Variants in ZBTB21 observed in about 807,000 individuals in gnomAD.
ZBTB21 encodes the protein zinc finger and BTB domain containing 21.
In ZBTB21, 10 loss-of-function variants were observed where a neutral mutation model predicts 39.8. The ratio of observed to expected loss-of-function variants is 0.25; its 90% CI spans 0.16 to 0.43. The LOEUF is 0.43. Ranked by LOEUF, ZBTB21 falls within the 20% of genes least tolerant of loss-of-function variation. The pLI is 1.00. For synonymous variants in ZBTB21, 551 were observed against 498.8 expected (o/e 1.10, Z -1.40); for missense variants, 1,221 against 1,296.3 (o/e 0.94, Z 0.89).
chr21:42,001,162 A>G (rs1219202611), intron 2 of ZBTB21, among the ~76,000 whole-genome samples: 1 of 152,204 alleles, frequency 6.6e-6, no homozygotes, highest in Non-Finnish European at 1.5e-5. Context: ...GCAGAGCAGG[A>G]TTCACATCAG....
intron 2 of ZBTB21, among the ~76,000 whole-genome samples, chr21:41,996,448 G>A (rs1444280460): frequency 2.0e-5 from 3 of 152,166 alleles, no homozygotes; most frequent in African/African-American, 7.2e-5. Flanking sequence ...GGGCCTGTAA[G>A]CCTCTGTTTT....
chr21:42,007,762 G>C (rs982718491), intron 1 of ZBTB21: 1 of 152,244 alleles, frequency 6.6e-6, no homozygotes, highest in Non-Finnish European at 1.5e-5. Flanking sequence ...TGGCAAGCTA[G>C]GTACAGGGCA....
chr21:41,991,998 C>T lies in ZBTB21; in HGVS notation c.2098G>A (p.Val700Ile). Residue 700 changes from valine (V) to isoleucine (I), a missense_variant, in exon 3 of 3, where the codon GTA becomes ATA. Val to Ile is a conservative substitution (Grantham distance 29). Coordinates refer to ENST00000310826, the MANE Select transcript of ZBTB21 (RefSeq NM_001098402.2). This position sits in a 1 kb window ranked among gnomAD's most constrained non-coding sequence, Gnocchi z 4.9. The part of the protein sequence containing the change: ...KMHPGEKPLG[V>I]NKVAKPKEHA... ...TCTTTTGGTTTAGCAACTTTATTTACTCCAAGGGGTTTTTCTCCTGGATGC... is the reference window on the plus strand; with the variant it reads ...TCTTTTGGTTTAGCAACTTTATTTATTCCAAGGGGTTTTTCTCCTGGATGC... The T allele has an allele frequency of 6.2e-7, 1 of 1,614,204 alleles. No homozygotes were observed. Among genetic ancestry groups the T allele is most frequent in the South Asian group, 1.1e-5 (1 of 91,090 alleles).
At chr21:42,004,710 C>T (rs534341227) in intron 1 of ZBTB21, among the ~76,000 whole-genome samples, 35 of 152,100 alleles carry the variant, frequency 2.3e-4, no homozygotes, top group African/African-American at 8.4e-4. Context: ...TTGGGGATTG[C>T]TTCTATAGTC....
At chr21:42,009,783 G>T (rs1759372547) in intron 1 of ZBTB21, among the ~76,000 whole-genome samples, 1 of 151,970 alleles carries the variant, frequency 6.6e-6, no homozygotes, top group East Asian at 1.9e-4. Context: ...CCCCAAGGCC[G>T]CCGGCCAGCT....
intron 2 of ZBTB21, among the ~76,000 whole-genome samples, chr21:41,996,598 C>A (rs1162554698): frequency 6.6e-6 from 1 of 152,168 alleles, no homozygotes; most frequent in Admixed American, 6.5e-5. Context: ...AGACTTTGGT[C>A]TGTGGACTTT....
chr21:41,992,081 C>G lies in ZBTB21; in HGVS notation c.2015G>C (p.Cys672Ser). 1 of 1,614,188 alleles carries G rather than the reference C, an allele frequency of 6.2e-7. No homozygotes were observed. Among genetic ancestry groups the G allele is most frequent in the Non-Finnish European group, 8.5e-7 (1 of 1,180,042 alleles). Residue 672 changes from cysteine to serine, a missense_variant, in exon 3 of 3, where the codon TGT (cysteine) becomes TCT (serine). By Grantham distance (112) the Cys-to-Ser change is moderately radical. Coordinates refer to ENST00000310826, the MANE Select transcript of ZBTB21 (RefSeq NM_001098402.2). The surrounding 1 kb of genome is among the most constrained non-coding windows in gnomAD (Gnocchi z 4.1). ...GCGGTACGCTTTTCCGCAGTAAGTA[C>G]AAATGTAAGCTCCTTTGGCTCGAGA... ...LRSRAKGAYI[C>S]TYCGKAYRFL... is the part of the protein sequence containing the mutation.
At chr21:41,994,289 C>T (rs961174631) in intron 2 of ZBTB21, among the ~76,000 whole-genome samples, 181 bp from the exon 3 acceptor site, 8 of 152,006 alleles carry the variant, frequency 5.3e-5, no homozygotes, top group Non-Finnish European at 8.8e-5. Flanking sequence ...AAATAAGTCT[C>T]GTGGTTTAAG....
chr21:41,995,330 T>C (rs2065731556), intron 2 of ZBTB21, among the ~76,000 whole-genome samples: 1 of 152,146 alleles, frequency 6.6e-6, no homozygotes. Flanking sequence ...CAGGCTGAGG[T>C]AGTCTCAGAT....
Position 41,993,792 on chromosome 21 carries a change from C to G in ZBTB21, c.304G>C (p.Val102Leu), listed in dbSNP as rs1429682700. The G allele has an allele frequency of 6.2e-7, 1 of 1,614,234 alleles. No individual in the cohort carries two copies. The highest frequency in any genetic ancestry group is 8.5e-7 in the Non-Finnish European group (1 of 1,180,046). ...LFVEKSSLAAVQELGYSLGIS... is the reference protein window; with the variant it reads ...LFVEKSSLAALQELGYSLGIS... ...CCAAGACTATAGCCAAGTTCTTGCA[C>G]AGCAGCAAGGCTGCTCTTCTCAACA... The change falls in exon 3 of 3, where the codon GTG becomes CTG. Residue 102 changes from valine (V) to leucine (L), a missense_variant. Coordinates refer to ENST00000310826, the MANE Select transcript of ZBTB21 (RefSeq NM_001098402.2).
chr21:41,991,450 A>G lies in ZBTB21; in HGVS notation c.2646T>C (p.Pro882=). The change falls in exon 3 of 3, where the codon CCT becomes CCC. Residue 882 remains proline, a synonymous_variant. Transcript: ENST00000310826. The surrounding 1 kb of genome is among the most constrained non-coding windows in gnomAD (Gnocchi z 4.9). ...GTGCCTCTTCTTCAGCCTCCTCCAC[A>G]GGCTCCTCTTTGACTTGGATTTTCA... ...KQLKIQVKEE[P]VEEAEEEAPE... is the part of the protein sequence containing the mutation. The G allele has an allele frequency of 6.2e-7, 1 of 1,613,794 alleles. No homozygotes were observed. Among genetic ancestry groups the G allele is most frequent in the East Asian group, 2.2e-5 (1 of 44,880 alleles).
At chr21:41,994,155 T>C (rs1009858821) in intron 2 of ZBTB21, 47 bp from the exon 3 acceptor site, 1 of 1,494,892 alleles carries the variant, frequency 6.7e-7, no homozygotes. Flanking sequence ...AGTGAAAAGT[T>C]CCCCTGGCTC....
chr21:41,991,598 T>A lies in ZBTB21; in HGVS notation c.2498A>T (p.Asn833Ile), dbSNP rs1192137478. The change falls in exon 3 of 3, where the codon AAC (asparagine) becomes ATC (isoleucine). Residue 833 changes from asparagine (N) to isoleucine (I), a missense_variant. Physicochemically the swap from Asn to Ile is moderately radical, Grantham distance 149. Transcript: ENST00000310826. The surrounding 1 kb of genome is among the most constrained non-coding windows in gnomAD (Gnocchi z 4.9). Reference protein sequence around the residue: ...SSRPQSQPEPNKVNHIVTTKD... With the variant: ...SSRPQSQPEPIKVNHIVTTKD... ...TGTGGTGACGATGTGGTTTACTTTG[T>A]TGGGCTCAGGCTGGGATTGGGGCCT... 1.2e-6 allele frequency: 2 copies of A among 1,614,114 alleles called. No homozygotes were observed. Among genetic ancestry groups the A allele is most frequent in the Non-Finnish European group, 1.7e-6 (2 of 1,180,046 alleles).
In ZBTB21 at chr21:41,991,941, T is replaced by C. The variant is rs760786843; in HGVS notation, c.2155A>G (p.Lys719Glu). ...CAGAGGCGGCACTGGTAAACCTCCTTGTTTTCTACTGGACTTGCAAGAGGA... is the reference window on the plus strand; with the variant it reads ...CAGAGGCGGCACTGGTAAACCTCCTCGTTTTCTACTGGACTTGCAAGAGGA... ...HAPLASPVENKEVYQCRLCNA... is the reference protein window; with the variant it reads ...HAPLASPVENEEVYQCRLCNA... Residue 719 changes from lysine to glutamate, a missense_variant, in exon 3 of 3, where the codon AAG becomes GAG. By Grantham distance (56) the Lys-to-Glu change is moderately conservative. Around this residue, in one of 4 missense-constraint regions of ZBTB21, gnomAD observed 523 missense variants for 542.5 expected, o/e 0.96. Transcript: ENST00000310826. This position sits in a 1 kb window ranked among gnomAD's most constrained non-coding sequence, Gnocchi z 4.9. 6.2e-7 allele frequency: 1 copy of C among 1,613,938 alleles called. No homozygotes were observed. The highest frequency in any genetic ancestry group is 8.5e-7 in the Non-Finnish European group (1 of 1,180,016).
chr21:41,992,184 TAATG>T lies in ZBTB21; in HGVS notation c.1908_1911del (p.Ile637SerfsTer2). 1 of 1,614,196 alleles carries T rather than the reference TAATG, an allele frequency of 6.2e-7. No individual in the cohort carries two copies. The highest frequency in any genetic ancestry group is 8.5e-7 in the Non-Finnish European group (1 of 1,180,028). On this transcript the variant is annotated frameshift_variant, in exon 3 of 3. Transcript: ENST00000310826. LOFTEE classifies it high-confidence loss of function. This position sits in a 1 kb window ranked among gnomAD's most constrained non-coding sequence, Gnocchi z 4.1. Reference sequence around the variant, plus strand: ...AAACCAGGCTTGCCGCGCCTTAACTTAATGATCAGGGCCTTCTTAATTTCTCTCT... The same window carrying T: ...AAACCAGGCTTGCCGCGCCTTAACTTATCAGGGCCTTCTTAATTTCTCTCT...
In ZBTB21 at chr21:41,987,163, T is replaced by C. The variant is rs1185091156; in HGVS notation, c.*3732A>G. ...ACTGAGTATAACTGTGTGAAAAATC[T>C]GGACAGCATTAACAAATGAAAGAGC... On this transcript the variant is annotated 3_prime_UTR_variant, in exon 3 of 3. Transcript: ENST00000310826. The C allele has an allele frequency of 6.6e-6, 1 of 152,304 alleles. No homozygotes were observed. The highest frequency in any genetic ancestry group is 1.5e-5 in the Non-Finnish European group (1 of 68,044). 9.4% of individuals were successfully genotyped at this position (152,304 alleles called of 1,614,324 possible). A position where few individuals can be genotyped will look rare whatever the true frequency, so the allele number is the denominator to read the frequency against.
At chr21:41,996,489 G>T (rs1365128407) in intron 2 of ZBTB21, among the ~76,000 whole-genome samples, 2 of 152,164 alleles carry the variant, frequency 1.3e-5, no homozygotes, top group African/African-American at 4.8e-5. Flanking sequence ...AACGGCTGTA[G>T]TTACCCAATG....
intron 1 of ZBTB21, chr21:42,009,558 C>A (rs961720912): frequency 1.1e-4 from 17 of 152,192 alleles, no homozygotes; most frequent in African/African-American, 4.1e-4. Context: ...CTATGCTCTG[C>A]GGGACCGCCG....
rs1219415510 is a variant in ZBTB21 at position 41,987,384 on chromosome 21, G to A, written c.*3511C>T. 1 of 152,054 alleles carries A rather than the reference G, an allele frequency of 6.6e-6. No homozygotes were observed. The highest frequency in any genetic ancestry group is 2.4e-5 in the African/African-American group (1 of 41,398). 9.4% of individuals were successfully genotyped at this position (152,054 alleles called of 1,614,324 possible). ...GTACCCGCTGAGATACACTGAAAGA[G>A]CATATTAAAAATTACAAAAAATTAA... On this transcript the variant is annotated 3_prime_UTR_variant, in exon 3 of 3. Coordinates refer to ENST00000310826, the MANE Select transcript of ZBTB21 (RefSeq NM_001098402.2).
Sources: allele counts gnomAD v4.1 joint callset (sites outside exome capture counted in the v4.1 genomes callset), GRCh38; gene constraint gnomAD v4.1.1; regional missense constraint gnomAD v4.1.1; non-coding constraint Gnocchi (gnomAD v3.1); transcripts MANE v1.5; gene names NCBI Gene and HGNC (gene_info 2026-07-23, HGNC 2026-07-21).